The following DCC variants were observed in gnomAD, a reference collection of about 807,000 sequenced individuals.
DCC encodes the protein netrin receptor DCC.
DCC carries 58 observed loss-of-function variants against 172.5 expected under a neutral mutation model. That is an observed-to-expected ratio of 0.34 (90% CI 0.27 to 0.42). DCC has a LOEUF of 0.42. Ranked by LOEUF, DCC falls within the 10% of genes least tolerant of loss-of-function variation. The pLI is 1.00. For missense variants in DCC, 1,740 were observed against 1,791.0 expected (o/e 0.97, Z 0.51); for synonymous variants, 709 against 644.5 (o/e 1.10, Z -1.52).
chr18:52,754,762 G>A (rs930891998), intron 2 of DCC, among the ~76,000 whole-genome samples: 23 of 152,168 alleles, frequency 1.5e-4, no homozygotes, highest in Non-Finnish European at 7.3e-5. Flanking sequence ...GGACTGACTT[G>A]GCTTTTGCAC....
intron 1 of DCC, among the ~76,000 whole-genome samples, chr18:52,358,420 C>T (rs1247279942): frequency 6.6e-6 from 1 of 152,166 alleles, no homozygotes; most frequent in Non-Finnish European, 1.5e-5. Context: ...GATATTCCGC[C>T]TTTTTTGTGC....
chr18:53,365,382 T>G (rs1403667496), intron 15 of DCC, among the ~76,000 whole-genome samples: 2 of 144,864 alleles, frequency 1.4e-5, no homozygotes, highest in Non-Finnish European at 3.0e-5. Flanking sequence ...CCCTAGAACT[T>G]AAAGTACAGT....
At position 52,906,177 on chromosome 18, in the gene DCC, A is replaced by G. The variant is rs1185691559; in HGVS notation, c.546A>G (p.Pro182=). ...AGAAGAACCAACAAGACCTGACTCC[A>G]ATCCCAGGTGACTCCCGAGTGGTGG... ...HWQKNQQDLT[P]IPGDSRVVVL... Residue 182 remains proline (P), a synonymous_variant, in exon 3 of 29, where the codon CCA becomes CCG. Coordinates refer to ENST00000442544, the MANE Select transcript of DCC (RefSeq NM_005215.4). 5 of 1,614,002 alleles carry G rather than the reference A, an allele frequency of 3.1e-6. No homozygotes were observed. Among genetic ancestry groups the G allele is most frequent in the Non-Finnish European group, 4.2e-6 (5 of 1,180,042 alleles).
At chr18:52,793,302 G>T (rs1414107625) in intron 2 of DCC, among the ~76,000 whole-genome samples, 1 of 152,164 alleles carries the variant, frequency 6.6e-6, no homozygotes, top group African/African-American at 2.4e-5. Context: ...AACATGTCTA[G>T]TCCTAGTTCC....
chr18:52,514,673 A>T (rs1430067186), intron 1 of DCC, among the ~76,000 whole-genome samples: 3 of 152,250 alleles, frequency 2.0e-5, no homozygotes, highest in Non-Finnish European at 4.4e-5. Context: ...TCAACTGAGT[A>T]TAATTTTCCA....
chr18:53,440,838 T>G (rs996650135), intron 22 of DCC, among the ~76,000 whole-genome samples: 1 of 152,198 alleles, frequency 6.6e-6, no homozygotes, highest in Non-Finnish European at 1.5e-5. Flanking sequence ...AGACCTGACT[T>G]TGTAGAGCTT....
chr18:52,597,271 G>A lies in DCC; in HGVS notation c.92-154783G>A, dbSNP rs12456128. ...TCAGAACTGGATCTGACCCTTTTGT[G>A]TTATAGTGTCTGCTCCAGCTGGGGC... On this transcript the variant is annotated intron_variant, in intron 1 of 28. Transcript: ENST00000442544. Among the ~76,000 whole-genome samples, 1,032 of 152,252 alleles carry A rather than the reference G, an allele frequency of 6.8e-3. 42 individuals are homozygous for A. The highest frequency in any genetic ancestry group is 0.06 in the Admixed American group (923 of 15,284).
chr18:52,518,968 A>C (rs1283547284), intron 1 of DCC, among the ~76,000 whole-genome samples: 3 of 152,226 alleles, frequency 2.0e-5, no homozygotes, highest in Non-Finnish European at 2.9e-5. Flanking sequence ...AAGGCCAGAG[A>C]ATGCTAACCA....
chr18:52,581,940 C>A (rs1234007882), intron 1 of DCC, among the ~76,000 whole-genome samples: 1 of 152,158 alleles, frequency 6.6e-6, no homozygotes, highest in Non-Finnish European at 1.5e-5. Context: ...ATGCAGTTAA[C>A]ATACGCTAGA....
At chr18:53,303,366 A>G (rs1301423692) in intron 12 of DCC, among the ~76,000 whole-genome samples, 2 of 152,034 alleles carry the variant, frequency 1.3e-5, no homozygotes, top group African/African-American at 4.8e-5. Context: ...TTTGGATTTC[A>G]TTCTTTGCAT....
chr18:53,088,129 A>G lies in DCC; in HGVS notation c.1261+21963A>G, dbSNP rs1345816691. On this transcript the variant is annotated intron_variant, in intron 7 of 28. Coordinates refer to ENST00000442544, the MANE Select transcript of DCC (RefSeq NM_005215.4). Reference sequence around the variant, plus strand: ...ATGAACTTTAAAGTAGTTTTTTCCAATTCTGTGAAGAAAGTCATTGGTAGC... The same window carrying G: ...ATGAACTTTAAAGTAGTTTTTTCCAGTTCTGTGAAGAAAGTCATTGGTAGC... Among the ~76,000 whole-genome samples, 5 of 152,226 alleles carry G rather than the reference A, an allele frequency of 3.3e-5. No individual in the cohort carries two copies. In the East Asian group the frequency reaches 7.7e-4, roughly 24 times the overall value.
At chr18:52,655,095 AC>A (rs1369244961) in intron 1 of DCC, among the ~76,000 whole-genome samples, 1 of 152,136 alleles carries the variant, frequency 6.6e-6, no homozygotes, top group Non-Finnish European at 1.5e-5. Context: ...AATCACCTTC[AC>A]CTTTAAACAG....
At chr18:52,622,526 C>G (rs942232348) in intron 1 of DCC, among the ~76,000 whole-genome samples, 2 of 152,160 alleles carry the variant, frequency 1.3e-5, no homozygotes, top group Admixed American at 1.3e-4. Flanking sequence ...TTATCGACAT[C>G]GTTGGCACCA....
At chr18:52,885,689 G>T (rs1007440873) in intron 2 of DCC, among the ~76,000 whole-genome samples, 10 of 152,066 alleles carry the variant, frequency 6.6e-5, no homozygotes, top group African/African-American at 2.2e-4. Flanking sequence ...GCAAGACAAA[G>T]TCCCCTTTAC....
intron 2 of DCC, chr18:52,759,016 G>A (rs1243361422): frequency 1.3e-5 from 2 of 152,092 alleles, no homozygotes; most frequent in Non-Finnish European, 2.9e-5. Context: ...TCTTCATTTA[G>A]CTAAATGTTC....
chr18:53,320,986 CTGTT>C (rs1166120633), intron 13 of DCC, among the ~76,000 whole-genome samples: 1 of 152,104 alleles, frequency 6.6e-6, no homozygotes, highest in Non-Finnish European at 1.5e-5. Context: ...TTGAAGGCAA[CTGTT>C]TGTTCCTTGA....
At chr18:53,266,333 G>A (rs531948616) in intron 12 of DCC, among the ~76,000 whole-genome samples, 2 of 152,196 alleles carry the variant, frequency 1.3e-5, no homozygotes, top group African/African-American at 4.8e-5. Context: ...AAAGACAGCA[G>A]TTGGAACAAC....
chr18:53,370,461 A>G (rs1224465766), intron 15 of DCC, among the ~76,000 whole-genome samples: 1 of 148,040 alleles, frequency 6.8e-6, no homozygotes, highest in Non-Finnish European at 1.5e-5. Flanking sequence ...AGTCTTTGTT[A>G]TTTCCTTCCT....
chr18:53,051,639 G>A (rs1017476354), intron 5 of DCC, among the ~76,000 whole-genome samples: 2 of 151,970 alleles, frequency 1.3e-5, no homozygotes, highest in Non-Finnish European at 2.9e-5. Flanking sequence ...ATATTCTTGG[G>A]TAACATTACT....
Sources: allele counts gnomAD v4.1 joint callset (sites outside exome capture counted in the v4.1 genomes callset), GRCh38; gene constraint gnomAD v4.1.1; transcripts MANE v1.5; gene names NCBI Gene and HGNC (gene_info 2026-07-23, HGNC 2026-07-21).